Variants in EHHADH observed in about 807,000 individuals in gnomAD.
The protein encoded by EHHADH is enoyl-CoA hydratase and 3-hydroxyacyl CoA dehydrogenase.
Under a neutral mutation model 64.4 loss-of-function variants are expected in EHHADH, and 48 were observed. That is an observed-to-expected ratio of 0.75 (90% CI 0.59 to 0.95). The LOEUF is 0.95. Among genes scored for constraint, EHHADH ranks in the 40% least tolerant of loss-of-function variants. The pLI is 0.00. For synonymous variants in EHHADH, 308 were observed against 326.7 expected (o/e 0.94, Z 0.62); for missense variants, 854 against 876.6 (o/e 0.97, Z 0.33).
At chr3:185,217,928 C>T (rs1311072632) in intron 5 of EHHADH, among the ~76,000 whole-genome samples, 2 of 151,728 alleles carry the variant, frequency 1.3e-5, no homozygotes, top group African/African-American at 4.8e-5. Context: ...CCACGCCCGG[C>T]TAATTTTTTG....
chr3:185,234,898 C>G (rs1233427998), intron 3 of EHHADH, among the ~76,000 whole-genome samples: 1 of 152,090 alleles, frequency 6.6e-6, no homozygotes, highest in Non-Finnish European at 1.5e-5. Flanking sequence ...ATTATCACCT[C>G]TGGGCCGGGT....
intron 6 of EHHADH, among the ~76,000 whole-genome samples, chr3:185,194,350 C>T (rs1046483822): frequency 2.0e-5 from 3 of 152,042 alleles, no homozygotes; most frequent in Admixed American, 1.3e-4. Context: ...CAATGGCTCA[C>T]ACTTGTAATC....
intron 5 of EHHADH, 52 bp from the exon 6 acceptor site, chr3:185,204,809 G>T: frequency 7.1e-7 from 1 of 1,416,026 alleles, no homozygotes; most frequent in Non-Finnish European, 9.7e-7. Context: ...TGTACAAAGG[G>T]AATGTGAATA....
chr3:185,227,377 A>G (rs1433180931), intron 4 of EHHADH, among the ~76,000 whole-genome samples: 1 of 151,974 alleles, frequency 6.6e-6, no homozygotes, highest in East Asian at 1.9e-4. Context: ...TACTAAAAAT[A>G]CAAAATTAGC....
chr3:185,251,743 T>C (rs893586023), intron 1 of EHHADH, among the ~76,000 whole-genome samples: 3 of 151,638 alleles, frequency 2.0e-5, no homozygotes, highest in African/African-American at 7.3e-5. Flanking sequence ...AAAGAAAAAG[T>C]GTAAGAAAAA....
chr3:185,194,826 A>AAAAAAAAAAAAAAG (rs1718016403), intron 6 of EHHADH, among the ~76,000 whole-genome samples: 1 of 145,114 alleles, frequency 6.9e-6, no homozygotes, highest in Non-Finnish European at 1.5e-5. Flanking sequence ...AAAAAAAAAA[A>AAAAAAAAAAAAAAG]AAGAAGCCTA....
At chr3:185,243,234 A>G (rs982833420) in intron 2 of EHHADH, among the ~76,000 whole-genome samples, 1 of 152,150 alleles carries the variant, frequency 6.6e-6, no homozygotes, top group Non-Finnish European at 1.5e-5. Flanking sequence ...GTCCTGCAGG[A>G]GCAGTCTGCT....
At chr3:185,215,679 T>A (rs528107024) in intron 5 of EHHADH, among the ~76,000 whole-genome samples, 4 of 151,922 alleles carry the variant, frequency 2.6e-5, no homozygotes, top group Non-Finnish European at 5.9e-5. Context: ...CTGGAAAAAA[T>A]AAAAACAAAA....
chr3:185,244,253 T>C (rs1204609976), intron 2 of EHHADH, among the ~76,000 whole-genome samples: 1 of 152,194 alleles, frequency 6.6e-6, no homozygotes, highest in East Asian at 1.9e-4. Context: ...AGGGTGTCAC[T>C]TGTGGGCAGA....
chr3:185,192,482 A>T lies in EHHADH; in HGVS notation c.1916T>A (p.Ile639Lys), dbSNP rs750721273. Residue 639 changes from isoleucine (I) to lysine (K), a missense_variant, in exon 7 of 7, where the codon ATA becomes AAA. Ile to Lys is a moderately radical substitution (Grantham distance 102). Transcript: ENST00000231887. ...NEAFRILGEG[I>K]AASPEHIDVV... ...ATCAATGTGCTCTGGGCTAGCAGCTATCCCTTCTCCCAAGATACGGAATGC... is the reference window on the plus strand; with the variant it reads ...ATCAATGTGCTCTGGGCTAGCAGCTTTCCCTTCTCCCAAGATACGGAATGC... 1 of 1,614,240 alleles carries T rather than the reference A, an allele frequency of 6.2e-7. No individual in the cohort carries two copies. The highest frequency in any genetic ancestry group is 1.1e-5 in the South Asian group (1 of 91,084).
At position 185,226,650 on chromosome 3, in the gene EHHADH, C is replaced by CAAA. The variant is rs59522852; in HGVS notation, c.463+2779_463+2781dup. 4.5e-3 allele frequency among the ~76,000 whole-genome samples: 595 copies of CAAA among 133,254 alleles called. 7 individuals are homozygous for CAAA. The highest frequency in any genetic ancestry group is 0.017 in the African/African-American group (574 of 34,182). 87.4% of individuals were successfully genotyped at this position (133,254 alleles called of 152,430 possible). On this transcript the variant is annotated intron_variant, in intron 4 of 6. Transcript: ENST00000231887. ...GGTGACAAGAGTGAAACTCCATCTC[C>CAAA]AAAAAAAAAAAAAAAAAGAAAGAAA...
chr3:185,217,676 C>G (rs1261706602), intron 5 of EHHADH, among the ~76,000 whole-genome samples: 1 of 151,966 alleles, frequency 6.6e-6, no homozygotes, highest in African/African-American at 2.4e-5. Context: ...AGAAGCTGAG[C>G]ACATGCTGGT....
chr3:185,218,260 C>T lies in EHHADH; in HGVS notation c.464-20G>A. 6.5e-7 allele frequency: 1 copy of T among 1,530,410 alleles called. No homozygotes were observed. The highest frequency in any genetic ancestry group is 9.0e-7 in the Non-Finnish European group (1 of 1,114,794). 94.8% of individuals were successfully genotyped at this position (1,530,410 alleles called of 1,614,324 possible). A position where few individuals can be genotyped will look rare whatever the true frequency, so the allele number is the denominator to read the frequency against. On this transcript the variant is annotated intron_variant, in intron 4 of 6. Transcript: ENST00000231887. ...GTCTTCCTGAAATAAACAACAACAA[C>T]AATAACAACAAATCAAAGAGCGATG...
intron 2 of EHHADH, among the ~76,000 whole-genome samples, chr3:185,242,592 G>T (rs1219016489): frequency 6.6e-6 from 1 of 152,168 alleles, no homozygotes; most frequent in Admixed American, 6.5e-5. Context: ...AACTTTCACT[G>T]GAGTCATGTA....
intron 6 of EHHADH, among the ~76,000 whole-genome samples, chr3:185,203,372 A>C (rs1718284799): frequency 6.6e-6 from 1 of 152,138 alleles, no homozygotes; most frequent in Non-Finnish European, 1.5e-5. Flanking sequence ...GATTAAAAAA[A>C]CTTAAATATA....
intron 4 of EHHADH, among the ~76,000 whole-genome samples, chr3:185,221,577 C>CTTTTTTTTTTTTTTTTTTTTTT (rs10663266): frequency 7.6e-6 from 1 of 130,728 alleles, no homozygotes; most frequent in African/African-American, 2.9e-5. Flanking sequence ...ATTTTTTTTT[C>CTTTTTTTTTTTTTTTTTTTTTT]TTTTTTTTTT....
intron 4 of EHHADH, among the ~76,000 whole-genome samples, chr3:185,229,099 A>C (rs1719083496): frequency 6.6e-6 from 1 of 152,186 alleles, no homozygotes; most frequent in Admixed American, 6.5e-5. Flanking sequence ...TGCGGCCTAT[A>C]TTACAATTTC....
chr3:185,204,457 T>C lies in EHHADH; in HGVS notation c.869A>G (p.Lys290Arg), dbSNP rs1295687691. The stretch of plus-strand genomic sequence containing the variant: ...GGAGACAGGCCGCGCTGATGCTGTT[T>C]TCCACGATGCTCCGGAGGGAGTTGA... ...KWSTPSGASW[K>R]TASARPVSSV... The change falls in exon 6 of 7, where the codon AAA (lysine) becomes AGA (arginine). Residue 290 changes from lysine to arginine, a missense_variant. Physicochemically the swap from Lys to Arg is conservative, Grantham distance 26. Transcript: ENST00000231887. 1 of 1,613,306 alleles carries C rather than the reference T, an allele frequency of 6.2e-7. No individual in the cohort carries two copies. The highest frequency in any genetic ancestry group is 1.7e-5 in the Admixed American group (1 of 60,012).
intron 6 of EHHADH, among the ~76,000 whole-genome samples, chr3:185,195,535 C>T (rs551623918): frequency 4.6e-5 from 7 of 152,140 alleles, no homozygotes; most frequent in African/African-American, 1.7e-4. Flanking sequence ...AAATACATGT[C>T]CACATAAAGC....
Sources: gnomAD v4.1 joint callset for allele counts (sites outside exome capture counted in the v4.1 genomes callset) on GRCh38, gnomAD v4.1.1 for gene constraint, MANE v1.5 for transcripts, NCBI Gene and HGNC (gene_info 2026-07-23, HGNC 2026-07-21) for gene names.